The following PMPCB variants were observed in gnomAD, a reference collection of about 807,000 sequenced individuals.
PMPCB encodes the protein mitochondrial-processing peptidase subunit beta.
A neutral mutation model predicts 61.5 loss-of-function variants in PMPCB; 46 were observed. That is an observed-to-expected ratio of 0.75 (90% CI 0.59 to 0.96). The LOEUF (loss-of-function observed/expected upper bound fraction) is 0.96. PMPCB is among the 40% of genes least tolerant of loss of function. The pLI, the probability that PMPCB is intolerant of heterozygous loss-of-function variation, is 0.00. For missense variants in PMPCB, 590 were observed against 602.4 expected, an observed-to-expected ratio of 0.98 and a Z score of 0.22; for synonymous variants, 191 against 201.6, an observed-to-expected ratio of 0.95 and a Z score of 0.44.
At chr7:103,344,692 C>T in the PMPCB span, 6 of 1,507,744 alleles carry the variant, frequency 4.0e-6, no homozygotes, top group Admixed American at 6.7e-5. Flanking sequence ...AGGGTCCCCT[C>T]CAGCTCTACC....
the PMPCB span, chr7:103,337,701 G>A: frequency 6.6e-7 from 1 of 1,522,360 alleles, no homozygotes; most frequent in Non-Finnish European, 9.1e-7. Context: ...TCCTATACAA[G>A]ATATTTGATT....
chr7:103,316,107 CAAT>C (rs1818038960), downstream of PMPCB: 1 of 1,425,662 alleles, frequency 7.0e-7, no homozygotes, highest in African/African-American at 1.4e-5. Flanking sequence ...ATATATTATA[CAAT>C]AATATGAATA....
intron 9 of PMPCB, 47 bp from the exon 10 acceptor site, chr7:103,311,596 T>C (rs200605000): frequency 1.4e-6 from 2 of 1,394,036 alleles, no homozygotes; most frequent in East Asian, 4.6e-5. Flanking sequence ...CATTAACTCA[T>C]GAAATACAAC....
intron 7 of PMPCB, among the ~76,000 whole-genome samples, chr7:103,308,678 C>T (rs1817656616): frequency 6.6e-6 from 1 of 150,998 alleles, no homozygotes; most frequent in Non-Finnish European, 1.5e-5. Flanking sequence ...TGATTTCTAC[C>T]AGTGAAATGA....
chr7:103,338,226 T>C, the PMPCB span, among the ~76,000 whole-genome samples: 3 of 150,742 alleles, frequency 2.0e-5, no homozygotes, highest in African/African-American at 7.3e-5. Flanking sequence ...GCTGTGATCA[T>C]GCCACTGCAC....
At chr7:103,310,852 T>C (rs1817725668) in intron 9 of PMPCB, 1 of 154,790 alleles carries the variant, frequency 6.5e-6, no homozygotes, top group Non-Finnish European at 1.4e-5. Flanking sequence ...GCCTGGCTAA[T>C]TTTTTGTATT....
In PMPCB at chr7:103,326,704, G is replaced by C. The variant is rs370973599; in HGVS notation, c.*1432-2227G>C. On this transcript the variant is annotated intron_variant and NMD_transcript_variant, in intron 12 of 12. Transcript: ENST00000444457. Reference sequence around the variant, plus strand: ...CATAAGCTGAGAAAAAAATTGTTAAGATCACATCACCATAACTTTACCTAT... The same window carrying C: ...CATAAGCTGAGAAAAAAATTGTTAACATCACATCACCATAACTTTACCTAT... 4 of 1,595,264 alleles carry C rather than the reference G, an allele frequency of 2.5e-6. No homozygotes were observed. The African/African-American group carries it at 5.4e-5, about 22-fold the overall frequency.
intron 7 of PMPCB, 45 bp downstream of exon 7, chr7:103,307,753 G>A: frequency 9.4e-7 from 1 of 1,063,132 alleles, no homozygotes; most frequent in East Asian, 2.4e-5. Context: ...TGGATTCCTT[G>A]TGTTGTATTT....
intron 1 of PMPCB, 122 bp downstream of exon 1, chr7:103,297,680 G>T: frequency 6.5e-7 from 1 of 1,540,226 alleles, no homozygotes. Flanking sequence ...ACCCGGACCC[G>T]CCGGGCGCCA....
At chr7:103,339,656 C>T in the PMPCB span, among the ~76,000 whole-genome samples, 5 of 151,460 alleles carry the variant, frequency 3.3e-5, no homozygotes, top group Non-Finnish European at 7.4e-5. Flanking sequence ...GGCTGGAGTG[C>T]AGTGGCACGA....
At position 103,312,082 on chromosome 7, in the gene PMPCB, A is replaced by T. The variant is rs758619180; in HGVS notation, c.1356A>T (p.Glu452Asp). The T allele has an allele frequency of 1.9e-6, 3 of 1,613,868 alleles. No individual in the cohort carries two copies. The East Asian group carries it at 6.7e-5, about 36-fold the overall frequency. ...CTGTGAATGCTGAGACAATTCGAGA[A>T]GTATGTACCAAATACATTTATAATA... The part of the protein sequence containing the change: ...IDAVNAETIR[E>D]VCTKYIYNRS... The change falls in exon 12 of 13, where the codon GAA becomes GAT. Residue 452 changes from glutamate to aspartate, a missense_variant. Coordinates refer to ENST00000249269, the MANE Select transcript of PMPCB (RefSeq NM_004279.3).
At chr7:103,316,762 T>G (rs1390027541), downstream of PMPCB, 7 of 1,277,264 alleles carry the variant, frequency 5.5e-6, no homozygotes, top group Non-Finnish European at 7.7e-6. Context: ...GTGCTGCTAT[T>G]TGGAGTCTGT....
At chr7:103,298,440 A>C (rs2115604339) in intron 1 of PMPCB, 128 bp from the exon 2 acceptor site, 2 of 1,018,656 alleles carry the variant, frequency 2.0e-6, no homozygotes, top group Middle Eastern at 6.6e-4. Flanking sequence ...AGTGGAACCA[A>C]AATTCAAGAA....
At chr7:103,319,325 TACTC>T (rs1453898111), downstream of PMPCB, among the ~76,000 whole-genome samples, 2 of 152,028 alleles carry the variant, frequency 1.3e-5, no homozygotes, top group African/African-American at 2.4e-5. Context: ...TAATCCCAGT[TACTC>T]AGGAGGCTGA....
chr7:103,309,122 A>G (rs1740245884), intron 8 of PMPCB, 27 bp downstream of exon 8: 10 of 1,556,648 alleles, frequency 6.4e-6, no homozygotes, highest in African/African-American at 1.4e-5. Flanking sequence ...GAAATTTTCC[A>G]TAACAGATGG....
chr7:103,343,002 A>G, the PMPCB span, among the ~76,000 whole-genome samples: 2 of 151,180 alleles, frequency 1.3e-5, no homozygotes, highest in Admixed American at 1.3e-4. Context: ...AACTCAAACT[A>G]TCTTTTTATT....
At chr7:103,316,886 ATCT>A, downstream of PMPCB, 1 of 1,613,980 alleles carries the variant, frequency 6.2e-7, no homozygotes. Context: ...ATTGTAGATC[ATCT>A]TCTGACCAAT....
exon 13 of PMPCB, chr7:103,329,209 T>C (rs1818863242): frequency 3.2e-5 from 9 of 281,212 alleles, no homozygotes; most frequent in South Asian, 2.9e-4. Flanking sequence ...GCAGTTGACA[T>C]GTGCCAGGCC....
chr7:103,301,687 C>T (rs111788214), intron 4 of PMPCB, among the ~76,000 whole-genome samples: 15 of 152,160 alleles, frequency 9.9e-5, no homozygotes, highest in African/African-American at 3.6e-4. Context: ...TGGGGATTTA[C>T]TTGGGGTTTT....
Sources: gnomAD v4.1 joint callset for allele counts (sites outside exome capture counted in the v4.1 genomes callset) on GRCh38, gnomAD v4.1.1 for gene constraint, MANE v1.5 for transcripts, NCBI Gene and HGNC (gene_info 2026-07-23, HGNC 2026-07-21) for gene names.